Variants in NEDD4L observed in about 807,000 individuals in gnomAD.
The protein encoded by NEDD4L is NEDD4 like E3 ubiquitin protein ligase.
NEDD4L carries 54 observed loss-of-function variants against 148.9 expected under a neutral mutation model. The ratio of observed to expected loss-of-function variants is 0.36; its 90% CI spans 0.29 to 0.45. The LOEUF (loss-of-function observed/expected upper bound fraction) is 0.45. Among genes scored for constraint, NEDD4L ranks in the 20% least tolerant of loss-of-function variants. The probability of loss-of-function intolerance (pLI) is 1.00; values close to 1 mark genes in which losing one functional copy is unlikely to be tolerated. For missense variants in NEDD4L, 856 were observed against 1,233.8 expected, an observed-to-expected ratio of 0.69 and a Z score of 4.59; for synonymous variants, 433 against 440.7, an observed-to-expected ratio of 0.98 and a Z score of 0.22.
intron 1 of NEDD4L, among the ~76,000 whole-genome samples, chr18:58,070,191 C>T (rs1359705878): frequency 3.3e-5 from 5 of 152,218 alleles, no homozygotes; most frequent in Admixed American, 2.6e-4. Flanking sequence ...TGTTTAATCA[C>T]AGCTGTCTGA....
chr18:58,322,472 C>T lies in NEDD4L; in HGVS notation c.396C>T (p.Leu132=), dbSNP rs1404819960. ...MERPYTFKDF[L]LRPRSHKSRV... ...GACCCTATACATTTAAGGACTTTCT[C>T]CTCAGACCAAGAAGGTGAGGCTTGT... Residue 132 remains leucine, a synonymous_variant, in exon 7 of 31, where the codon CTC becomes CTT. Coordinates refer to ENST00000400345, the MANE Select transcript of NEDD4L (RefSeq NM_001144967.3). 1.9e-6 allele frequency: 3 copies of T among 1,605,068 alleles called. No homozygotes were observed. Among genetic ancestry groups the T allele is most frequent in the Non-Finnish European group, 2.6e-6 (3 of 1,172,150 alleles).
intron 1 of NEDD4L, among the ~76,000 whole-genome samples, chr18:58,080,164 G>T (rs1408419789): frequency 1.3e-5 from 2 of 152,126 alleles, no homozygotes; most frequent in Non-Finnish European, 2.9e-5. Flanking sequence ...GCCTCAAGCA[G>T]TCCTCCACCA....
intron 2 of NEDD4L, chr18:58,195,637 C>T (rs896753379): frequency 1.2e-5 from 16 of 1,350,532 alleles, no homozygotes; most frequent in East Asian, 4.6e-5. Context: ...TTCTCCTCGC[C>T]GCCGTTGCTG....
chr18:58,382,930 C>T (rs2048538194), intron 24 of NEDD4L, among the ~76,000 whole-genome samples: 2 of 152,148 alleles, frequency 1.3e-5, no homozygotes. Flanking sequence ...GTTCTTTTCT[C>T]TGTTAAACAT....
At chr18:58,339,203 G>A (rs968001301) in intron 13 of NEDD4L, among the ~76,000 whole-genome samples, 1 of 152,150 alleles carries the variant, frequency 6.6e-6, no homozygotes, top group South Asian at 2.1e-4. Flanking sequence ...GAGGGCTCTG[G>A]GCGGAGGGAG....
chr18:58,333,278 T>TAAA (rs910110108), intron 11 of NEDD4L, among the ~76,000 whole-genome samples: 4 of 129,348 alleles, frequency 3.1e-5, no homozygotes, highest in African/African-American at 5.6e-5. Flanking sequence ...ACTCTATATT[T>TAAA]AAAAAAAAAA....
intron 1 of NEDD4L, among the ~76,000 whole-genome samples, chr18:58,058,418 C>T (rs531966473): frequency 6.6e-6 from 1 of 152,228 alleles, no homozygotes; most frequent in Non-Finnish European, 1.5e-5. Context: ...CCTGTCTAGC[C>T]ATGGAACTCT....
At chr18:58,155,446 CAG>C (rs2035366476) in intron 1 of NEDD4L, among the ~76,000 whole-genome samples, 1 of 152,058 alleles carries the variant, frequency 6.6e-6, no homozygotes, top group Non-Finnish European at 1.5e-5. Flanking sequence ...ATTCATAACA[CAG>C]GGAAAATCCA....
chr18:58,314,665 G>T (rs1222483756), intron 5 of NEDD4L: 4 of 152,214 alleles, frequency 2.6e-5, no homozygotes, highest in Admixed American at 2.0e-4. Context: ...TTGAGTTGTA[G>T]TAGATACAGC....
intron 18 of NEDD4L, among the ~76,000 whole-genome samples, chr18:58,356,288 CTT>C (rs34623575): frequency 6.4e-4 from 88 of 136,682 alleles, no homozygotes; most frequent in African/African-American, 1.0e-3. Flanking sequence ...TTTTCTTCTT[CTT>C]TTTTTTTTTT....
chr18:58,251,967 C>T lies in NEDD4L; in HGVS notation c.244-34C>T, dbSNP rs144430314. The T allele has an allele frequency of 3.3e-4, 404 of 1,223,232 alleles. 1 individual carries two copies. The African/African-American group carries it at 5.4e-3, about 16-fold the overall frequency. 75.8% of individuals were successfully genotyped at this position (1,223,232 alleles called of 1,614,324 possible). ...TACGTCGCTGTTCAAATGATTCCTG[C>T]TCGTTTAAAAAATACTATTTATGTT... On this transcript the variant is annotated intron_variant, in intron 4 of 30. Coordinates refer to ENST00000400345, the MANE Select transcript of NEDD4L (RefSeq NM_001144967.3).
At chr18:58,347,592 G>A (rs1378385722) in intron 16 of NEDD4L, among the ~76,000 whole-genome samples, 4 of 152,142 alleles carry the variant, frequency 2.6e-5, no homozygotes, top group East Asian at 1.9e-4. Flanking sequence ...TTTATGTTCT[G>A]TGTATGTCAG....
chr18:58,224,017 G>A (rs975239000), intron 2 of NEDD4L, among the ~76,000 whole-genome samples: 1 of 152,224 alleles, frequency 6.6e-6, no homozygotes, highest in Non-Finnish European at 1.5e-5. Context: ...GGGGCCACAG[G>A]GAGGACTTGG....
chr18:58,238,231 G>T (rs2046249392), intron 2 of NEDD4L, among the ~76,000 whole-genome samples: 2 of 152,132 alleles, frequency 1.3e-5, no homozygotes, highest in African/African-American at 4.8e-5. Context: ...TGGGCTGAAA[G>T]ATATGTACGT....
intron 1 of NEDD4L, among the ~76,000 whole-genome samples, chr18:58,121,969 A>G (rs1005078160): frequency 5.3e-5 from 8 of 152,146 alleles, no homozygotes; most frequent in African/African-American, 1.9e-4. Flanking sequence ...GTATTGTTTC[A>G]TTTAAAAAAT....
chr18:58,183,981 A>C (rs1035505306), intron 2 of NEDD4L, among the ~76,000 whole-genome samples: 1 of 152,182 alleles, frequency 6.6e-6, no homozygotes, highest in African/African-American at 2.4e-5. Context: ...CATCCTGGCT[A>C]ACATGGTGAA....
chr18:58,200,569 G>A (rs370494442), intron 2 of NEDD4L, among the ~76,000 whole-genome samples: 2 of 152,198 alleles, frequency 1.3e-5, no homozygotes, highest in Admixed American at 6.5e-5. Flanking sequence ...TTAAGATAAC[G>A]TGGATATGTT....
intron 1 of NEDD4L, among the ~76,000 whole-genome samples, chr18:58,118,796 GC>G (rs2086029409): frequency 1.3e-5 from 2 of 152,236 alleles, no homozygotes; most frequent in African/African-American, 4.8e-5. Context: ...TCCAGTGAAG[GC>G]CCCTGTGTCC....
At chr18:58,156,729 T>C (rs1166445715) in intron 1 of NEDD4L, among the ~76,000 whole-genome samples, 4 of 152,180 alleles carry the variant, frequency 2.6e-5, no homozygotes, top group African/African-American at 9.7e-5. Context: ...CGCCAGTTCC[T>C]TTCCCTTAAT....
Sources: gnomAD v4.1 joint callset for allele counts (sites outside exome capture counted in the v4.1 genomes callset) on GRCh38, gnomAD v4.1.1 for gene constraint, MANE v1.5 for transcripts, NCBI Gene and HGNC (gene_info 2026-07-23, HGNC 2026-07-21) for gene names.